BICC1: variants seen among roughly 807,000 people sequenced by gnomAD.
The protein encoded by BICC1 is BicC family RNA binding protein 1.
A neutral mutation model predicts 111.0 loss-of-function variants in BICC1; 43 were observed. The observed-to-expected ratio is 0.39, with a 90% CI of 0.30 to 0.50. BICC1 has a LOEUF of 0.50. Among genes scored for constraint, BICC1 ranks in the 20% least tolerant of loss-of-function variants. The probability of loss-of-function intolerance (pLI) is 0.88; values close to 1 mark genes in which losing one functional copy is unlikely to be tolerated. For synonymous variants in BICC1, 467 were observed against 434.4 expected (o/e 1.07, Z -0.93); for missense variants, 1,091 against 1,203.2 (o/e 0.91, Z 1.38).
intron 1 of BICC1, among the ~76,000 whole-genome samples, chr10:58,596,451 T>C (rs1182606188): frequency 6.6e-6 from 1 of 152,088 alleles, no homozygotes; most frequent in East Asian, 1.9e-4. Flanking sequence ...CCACAGCCAA[T>C]ATCATAGTAA....
chr10:58,577,106 C>T (rs1165195812), intron 1 of BICC1, among the ~76,000 whole-genome samples: 1 of 152,164 alleles, frequency 6.6e-6, no homozygotes, highest in Non-Finnish European at 1.5e-5. Flanking sequence ...GTCCAGCTAT[C>T]TGCTGGACCT....
chr10:58,716,729 AT>A (rs1477237434), intron 3 of BICC1, among the ~76,000 whole-genome samples: 7 of 147,944 alleles, frequency 4.7e-5, no homozygotes, highest in Admixed American at 1.3e-4. Flanking sequence ...GTGTAGTTTA[AT>A]TTTTTTCCCC....
At chr10:58,728,118 A>C (rs1388563625) in intron 3 of BICC1, among the ~76,000 whole-genome samples, 1 of 152,186 alleles carries the variant, frequency 6.6e-6, no homozygotes, top group Admixed American at 6.5e-5. Flanking sequence ...ATTTCTTACG[A>C]AAGTCAACAA....
At chr10:58,728,989 T>C (rs1841202019) in intron 3 of BICC1, among the ~76,000 whole-genome samples, 1 of 152,220 alleles carries the variant, frequency 6.6e-6, no homozygotes, top group East Asian at 1.9e-4. Context: ...CTTTGTTACA[T>C]TTATAGAGAA....
At chr10:58,601,140 T>TAATATATGTATATA (rs1554810885) in intron 1 of BICC1, among the ~76,000 whole-genome samples, 1 of 100,672 alleles carries the variant, frequency 9.9e-6, no homozygotes, top group Non-Finnish European at 2.0e-5. Flanking sequence ...ATTTTAAAAC[T>TAATATATGTATATA]TATATATATA....
At chr10:58,752,931 T>TCTAG (rs1842030905) in intron 3 of BICC1, among the ~76,000 whole-genome samples, 1 of 152,036 alleles carries the variant, frequency 6.6e-6, no homozygotes, top group South Asian at 2.1e-4. Context: ...GTGCCTGCTC[T>TCTAG]CTAGAGAGCT....
At chr10:58,780,337 T>C (rs1223228612) in intron 3 of BICC1, among the ~76,000 whole-genome samples, 1 of 152,146 alleles carries the variant, frequency 6.6e-6, no homozygotes, top group African/African-American at 2.4e-5. Context: ...GTTTTTATTG[T>C]GAGTGGGAGG....
At chr10:58,680,189 G>A (rs1839473794) in intron 2 of BICC1, among the ~76,000 whole-genome samples, 1 of 152,184 alleles carries the variant, frequency 6.6e-6, no homozygotes, top group African/African-American at 2.4e-5. Flanking sequence ...AATCAGGCAA[G>A]AGAAAGAAAT....
chr10:58,657,413 A>G (rs1838694587), intron 2 of BICC1, among the ~76,000 whole-genome samples: 1 of 152,056 alleles, frequency 6.6e-6, no homozygotes, highest in Admixed American at 6.6e-5. Flanking sequence ...GTGCACTAGT[A>G]GTTTTTGTGT....
chr10:58,814,920 T>C (rs979555016), intron 18 of BICC1, among the ~76,000 whole-genome samples: 3 of 152,160 alleles, frequency 2.0e-5, no homozygotes, highest in Non-Finnish European at 4.4e-5. Flanking sequence ...AGACAAGATG[T>C]TGCTGAATTC....
At chr10:58,806,700 A>G in intron 16 of BICC1, 77 bp downstream of exon 16, 1 of 1,256,778 alleles carries the variant, frequency 8.0e-7, no homozygotes, top group South Asian at 1.3e-5. Context: ...CTCATGGTGA[A>G]TCGAGAACTT....
At position 58,813,826 on chromosome 10, in the gene BICC1, A is replaced by G. The variant is rs772834025; in HGVS notation, c.2377-4A>G. ...TTTCCTTATCTGGCTTTGTCTGTTT[A>G]CAGGGCTCATCCATGTCCCTTTCAC... On this transcript the variant is annotated splice_polypyrimidine_tract_variant and splice_region_variant and intron_variant, in intron 17 of 20. Coordinates refer to ENST00000373886, the MANE Select transcript of BICC1 (RefSeq NM_001080512.3). The G allele has an allele frequency of 1.2e-6, 2 of 1,613,506 alleles. No individual in the cohort carries two copies. The highest frequency in any genetic ancestry group is 3.3e-5 in the Admixed American group (2 of 59,982).
intron 1 of BICC1, among the ~76,000 whole-genome samples, chr10:58,595,525 A>G (rs1844783500): frequency 6.6e-6 from 1 of 152,216 alleles, no homozygotes; most frequent in Non-Finnish European, 1.5e-5. Context: ...CTCTCAGACC[A>G]CAGTGCAATC....
intron 9 of BICC1, 71 bp downstream of exon 9, chr10:58,793,686 A>G (rs1843251826): frequency 6.6e-7 from 1 of 1,526,678 alleles, no homozygotes; most frequent in African/African-American, 1.4e-5. Context: ...TTTGCATAGA[A>G]GTATTTATTT....
chr10:58,738,882 C>G (rs563992799), intron 3 of BICC1, among the ~76,000 whole-genome samples: 14 of 151,464 alleles, frequency 9.2e-5, no homozygotes, highest in Admixed American at 3.3e-4. Context: ...TGATTTGGCT[C>G]TCTGTCTGTT....
In BICC1 at chr10:58,784,995, T is replaced by G; in HGVS notation, c.308-6T>G. ...TTCACACAAGCCTTTTATTTCTTTC[T>G]TATAGATCCCCATATTAAGGTTTCT... On this transcript the variant is annotated splice_region_variant and splice_polypyrimidine_tract_variant and intron_variant, in intron 3 of 20. Transcript: ENST00000373886. 1 of 1,526,756 alleles carries G rather than the reference T, an allele frequency of 6.5e-7. No homozygotes were observed. The highest frequency in any genetic ancestry group is 9.0e-7 in the Non-Finnish European group (1 of 1,113,622). 94.6% of individuals were successfully genotyped at this position (1,526,756 alleles called of 1,614,324 possible). A position where few individuals can be genotyped will look rare whatever the true frequency, so the allele number is the denominator to read the frequency against.
chr10:58,697,511 T>A (rs1246235104), intron 2 of BICC1, among the ~76,000 whole-genome samples: 1 of 152,248 alleles, frequency 6.6e-6, no homozygotes, highest in Non-Finnish European at 1.5e-5. Flanking sequence ...AGTTTTTTAT[T>A]TCCCCTGAAA....
chr10:58,795,650 A>AT (rs750726831), intron 9 of BICC1, among the ~76,000 whole-genome samples: 4,283 of 142,746 alleles, frequency 0.03, 172 homozygotes, highest in African/African-American at 0.091. Flanking sequence ...CTCAGCCACA[A>AT]TTTTTTTTTT....
chr10:58,797,383 T>C (rs184478016), intron 10 of BICC1, among the ~76,000 whole-genome samples: 8 of 152,368 alleles, frequency 5.3e-5, no homozygotes, highest in East Asian at 1.9e-4. Flanking sequence ...TTCCAATAGC[T>C]ATTCTTGCTT....
Sources: allele counts gnomAD v4.1 joint callset (sites outside exome capture counted in the v4.1 genomes callset), GRCh38; gene constraint gnomAD v4.1.1; transcripts MANE v1.5; gene names NCBI Gene and HGNC (gene_info 2026-07-23, HGNC 2026-07-21).